The following POLQ variants were observed in gnomAD, a reference collection of about 807,000 sequenced individuals.
POLQ encodes epididymis secretory sperm binding protein.
In POLQ, 233 loss-of-function variants were observed where a neutral mutation model predicts 259.2. The ratio of observed to expected loss-of-function variants is 0.90; its 90% CI spans 0.81 to 1.00. The LOEUF (loss-of-function observed/expected upper bound fraction) is 1.00, where lower values mean the gene tolerates loss of function less well. Ranked by LOEUF, POLQ falls within the 50% of genes least tolerant of loss-of-function variation. POLQ has a pLI of 0.00. For missense variants in POLQ, 2,871 were observed against 3,051.6 expected (o/e 0.94, Z 1.39); for synonymous variants, 1,025 against 1,048.8 (o/e 0.98, Z 0.44).
chr3:121,444,350 G>A (rs2047616437), intron 26 of POLQ, among the ~76,000 whole-genome samples: 1 of 151,782 alleles, frequency 6.6e-6, no homozygotes, highest in Non-Finnish European at 1.5e-5. Context: ...TTTATTTGTG[G>A]CTATTATAAA....
intron 9 of POLQ, among the ~76,000 whole-genome samples, chr3:121,517,799 C>T (rs1040152937): frequency 9.9e-5 from 15 of 152,050 alleles, no homozygotes; most frequent in Admixed American, 7.9e-4. Context: ...ACTAGGTCCC[C>T]GACACACTAC....
intron 9 of POLQ, among the ~76,000 whole-genome samples, chr3:121,514,086 TG>T (rs1169996642): frequency 1.4e-5 from 2 of 142,144 alleles, no homozygotes; most frequent in Non-Finnish European, 3.0e-5. Context: ...TCCAGCACTG[TG>T]GGAGGCCAAG....
At position 121,545,834 on chromosome 3, in the gene POLQ, G is replaced by T. The variant is rs746482367; in HGVS notation, c.44C>A (p.Ser15Ter). ...GCTTCCCGAGAACGAATCTGAGCCT[G>T]ATTCTGAACGCCGCCGTTTCCCACT... ...RRSGKRRRSESGSDSFSGSGG... is the reference protein window; with the variant it reads ...RRSGKRRRSE The change falls in exon 1 of 30, where the codon TCA (serine) becomes TAA (stop). Residue 15 changes from serine (S) to a stop codon, truncating the protein, a stop_gained. Transcript: ENST00000264233. LOFTEE classifies it high-confidence loss of function. 1 of 1,613,988 alleles carries T rather than the reference G, an allele frequency of 6.2e-7. No individual in the cohort carries two copies. Among genetic ancestry groups the T allele is most frequent in the Middle Eastern group, 1.6e-4 (1 of 6,062 alleles).
chr3:121,503,410 T>A (rs1205681744), intron 12 of POLQ, among the ~76,000 whole-genome samples: 1 of 152,132 alleles, frequency 6.6e-6, no homozygotes, highest in Non-Finnish European at 1.5e-5. Flanking sequence ...ATTCCCTTCA[T>A]TCAAAAAAGA....
chr3:121,495,197 G>T (rs1210051568), intron 14 of POLQ, among the ~76,000 whole-genome samples: 3 of 152,128 alleles, frequency 2.0e-5, no homozygotes, highest in Admixed American at 6.5e-5. Context: ...CTTGAACTTG[G>T]GAGGCGGGGG....
intron 2 of POLQ, among the ~76,000 whole-genome samples, chr3:121,543,385 C>CT (rs759922415): frequency 6.6e-6 from 1 of 152,190 alleles, no homozygotes; most frequent in Non-Finnish European, 1.5e-5. Flanking sequence ...TTAATCAACT[C>CT]TAAGTACTAC....
At chr3:121,478,254 C>T (rs766796763) in intron 19 of POLQ, among the ~76,000 whole-genome samples, 1 of 152,102 alleles carries the variant, frequency 6.6e-6, no homozygotes, top group African/African-American at 2.4e-5. Flanking sequence ...GGAGCAAAAC[C>T]TTTCTAAGGG....
chr3:121,480,795 T>C (rs1240947797), intron 19 of POLQ, among the ~76,000 whole-genome samples: 1 of 152,198 alleles, frequency 6.6e-6, no homozygotes, highest in East Asian at 1.9e-4. Flanking sequence ...AGAACCAGAC[T>C]TACAGTTTCA....
rs201812435 is a variant in POLQ at position 121,526,899 on chromosome 3, G to A, written c.1108+2746C>T. On this transcript the variant is annotated intron_variant, in intron 7 of 29. Transcript: ENST00000264233. ...TATGTGTGTGTGTGTGTGCGCGCGC[G>A]CACGCACGTGCATCTGTGGCGACAG... 4.1e-4 allele frequency among the ~76,000 whole-genome samples: 62 copies of A among 151,984 alleles called. No homozygotes were observed. In the East Asian group the frequency reaches 4.9e-3, roughly 12 times the overall value.
chr3:121,529,828 C>A, intron 6 of POLQ, 36 bp from the exon 7 acceptor site: 2 of 1,510,590 alleles, frequency 1.3e-6, no homozygotes, highest in Non-Finnish European at 9.0e-7. Context: ...TTTAGTGGTC[C>A]TTTCAAAAGA....
At chr3:121,456,419 A>G (rs1470382880) in intron 25 of POLQ, among the ~76,000 whole-genome samples, 1 of 152,094 alleles carries the variant, frequency 6.6e-6, no homozygotes, top group Non-Finnish European at 1.5e-5. Context: ...AGGGTATTCA[A>G]TTAGGAAAAG....
chr3:121,480,365 A>C (rs374014987), intron 19 of POLQ, among the ~76,000 whole-genome samples: 1 of 152,222 alleles, frequency 6.6e-6, no homozygotes, highest in East Asian at 1.9e-4. Flanking sequence ...ATTATATTCA[A>C]ACTAAATCTG....
intron 12 of POLQ, among the ~76,000 whole-genome samples, chr3:121,508,817 G>C (rs542518992): frequency 6.6e-6 from 1 of 152,218 alleles, no homozygotes; most frequent in East Asian, 1.9e-4. Flanking sequence ...CTTATCACTT[G>C]CTTATCAAAA....
chr3:121,476,281 C>T (rs146181222), intron 20 of POLQ, among the ~76,000 whole-genome samples: 86 of 152,256 alleles, frequency 5.6e-4, no homozygotes, highest in African/African-American at 1.9e-3. Flanking sequence ...GTCCCTCCTC[C>T]GTTCCAGGCA....
intron 9 of POLQ, among the ~76,000 whole-genome samples, chr3:121,518,631 C>A (rs1456765444): frequency 1.3e-5 from 2 of 152,134 alleles, no homozygotes; most frequent in East Asian, 3.8e-4. Context: ...TCAGTTTATT[C>A]TAAAAGTTAC....
intron 18 of POLQ, among the ~76,000 whole-genome samples, chr3:121,482,060 C>A (rs932540061): frequency 6.6e-6 from 1 of 152,062 alleles, no homozygotes; most frequent in Non-Finnish European, 1.5e-5. Flanking sequence ...ATGCTCAGGC[C>A]GATCCAGTTT....
chr3:121,524,225 G>C (rs770164300), intron 7 of POLQ, among the ~76,000 whole-genome samples: 2 of 152,118 alleles, frequency 1.3e-5, no homozygotes, highest in Admixed American at 6.6e-5. Context: ...GGTGTAGAAG[G>C]TACCAGTTAA....
chr3:121,494,467 G>T (rs1560099413), intron 14 of POLQ: 4 of 1,497,100 alleles, frequency 2.7e-6, no homozygotes, highest in South Asian at 2.3e-5. Context: ...GGGCCAAGAA[G>T]AAAGCTGCTG....
intron 26 of POLQ, among the ~76,000 whole-genome samples, chr3:121,441,613 C>T (rs1314733800): frequency 1.3e-5 from 2 of 152,174 alleles, no homozygotes; most frequent in Admixed American, 6.5e-5. Context: ...GGAGGTATAA[C>T]AAAATTTGTT....
Sources: gnomAD v4.1 joint callset for allele counts (sites outside exome capture counted in the v4.1 genomes callset) on GRCh38, gnomAD v4.1.1 for gene constraint, MANE v1.5 for transcripts, NCBI Gene and HGNC (gene_info 2026-07-23, HGNC 2026-07-21) for gene names.